PKD1L1: variants seen among roughly 807,000 people sequenced by gnomAD.
PKD1L1 encodes polycystin 1 like 1, transient receptor potential channel interacting, also known as polycystin-1-like protein 1.
Under a neutral mutation model 323.4 loss-of-function variants are expected in PKD1L1, and 236 were observed. The ratio of observed to expected loss-of-function variants is 0.73; its 90% confidence interval spans 0.66 to 0.81. PKD1L1 has a LOEUF of 0.81. Among genes scored for constraint, PKD1L1 ranks in the 40% least tolerant of loss-of-function variants. PKD1L1 has a pLI of 0.00. For synonymous variants in PKD1L1, 1,344 were observed against 1,335.0 expected (o/e 1.01, Z -0.15); for missense variants, 3,320 against 3,508.0 (o/e 0.95, Z 1.35).
At chr7:47,904,727 G>C in intron 11 of PKD1L1, 110 bp from the exon 12 acceptor site, 284 of 1,189,424 alleles carry the variant, frequency 2.4e-4, no homozygotes, top group Non-Finnish European at 2.9e-4. Context: ...GGAGGGGGAG[G>C]CAGCATTTAA....
At chr7:47,939,073 C>T (rs903587759) in intron 3 of PKD1L1, among the ~76,000 whole-genome samples, 1 of 152,150 alleles carries the variant, frequency 6.6e-6, no homozygotes. Context: ...GTAATATCAC[C>T]TCCCCTCTAA....
chr7:47,820,985 AT>A, intron 46 of PKD1L1, 90 bp downstream of exon 46: 1 of 724,772 alleles, frequency 1.4e-6, no homozygotes, highest in East Asian at 2.6e-5. Context: ...CCAGTATTTC[AT>A]ATGTGGGATG....
chr7:47,783,095 T>C (rs1038114161), intron 56 of PKD1L1, among the ~76,000 whole-genome samples: 1 of 152,216 alleles, frequency 6.6e-6, no homozygotes, highest in African/African-American at 2.4e-5. Flanking sequence ...CTGCGTTCTG[T>C]AACTTAGAAA....
At chr7:47,842,872 CA>C in intron 34 of PKD1L1, 89 bp downstream of exon 34, 1 of 1,245,568 alleles carries the variant, frequency 8.0e-7, no homozygotes, top group Non-Finnish European at 1.1e-6. Context: ...TGACAGGTGA[CA>C]GACGGGGCAG....
At chr7:47,816,215 T>C (rs893913932) in intron 46 of PKD1L1, among the ~76,000 whole-genome samples, 1 of 152,262 alleles carries the variant, frequency 6.6e-6, no homozygotes, top group African/African-American at 2.4e-5. Flanking sequence ...AAGACATAGA[T>C]GAAGTGCAGT....
intron 11 of PKD1L1, 84 bp downstream of exon 11, chr7:47,905,073 C>G: frequency 1.4e-6 from 2 of 1,468,016 alleles, no homozygotes; most frequent in Non-Finnish European, 1.8e-6. Flanking sequence ...CATAAAATGC[C>G]TTCGGTAGCA....
chr7:47,794,033 A>C (rs1238033881), intron 55 of PKD1L1, among the ~76,000 whole-genome samples: 1 of 152,222 alleles, frequency 6.6e-6, no homozygotes, highest in Admixed American at 6.5e-5. Flanking sequence ...TCAAAAGGTG[A>C]CTTGGGTGCT....
intron 46 of PKD1L1, chr7:47,818,022 G>A: frequency 7.3e-7 from 1 of 1,362,534 alleles, no homozygotes. Context: ...CTTAATCTTT[G>A]CAGGTCTTTT....
At chr7:47,958,327 C>T in the PKD1L1 span, among the ~76,000 whole-genome samples, 1 of 152,154 alleles carries the variant, frequency 6.6e-6, no homozygotes, top group Non-Finnish European at 1.5e-5. Flanking sequence ...CAAGAACACA[C>T]ATTTATTGAA....
rs189330794 is a variant in PKD1L1 at position 47,780,217 on chromosome 7, C to T, written c.8527-5051G>A. Among the ~76,000 whole-genome samples, 240 of 152,286 alleles carry T rather than the reference C, an allele frequency of 1.6e-3. 1 individual carries two copies. The highest frequency in any genetic ancestry group is 5.4e-3 in the African/African-American group (224 of 41,556). ...GTAAAGAACATTCCATCACCAAGAT[C>T]CCTTCTGCTGTCCTTTTATAGATGC... On this transcript the variant is annotated intron_variant, in intron 56 of 56. Coordinates refer to ENST00000289672, the MANE Select transcript of PKD1L1 (RefSeq NM_138295.5).
chr7:47,783,310 T>A (rs953481957), intron 56 of PKD1L1, among the ~76,000 whole-genome samples: 5 of 96,222 alleles, frequency 5.2e-5, no homozygotes, highest in African/African-American at 7.9e-5. Flanking sequence ...ATCATTCTTA[T>A]AAAAGCATTT....
intron 7 of PKD1L1, among the ~76,000 whole-genome samples, chr7:47,919,436 C>T (rs1176574280): frequency 6.6e-6 from 1 of 151,940 alleles, no homozygotes; most frequent in Admixed American, 6.6e-5. Context: ...AGGAAAATTC[C>T]ACCAGACATT....
intron 8 of PKD1L1, among the ~76,000 whole-genome samples, chr7:47,911,832 C>T (rs1439672610): frequency 1.3e-5 from 2 of 151,148 alleles, no homozygotes; most frequent in Non-Finnish European, 2.9e-5. Context: ...ATCATCAACA[C>T]GCATACATGT....
intron 56 of PKD1L1, among the ~76,000 whole-genome samples, chr7:47,781,135 G>C (rs116867617): frequency 2.6e-3 from 389 of 152,226 alleles, no homozygotes; most frequent in South Asian, 8.1e-3. Flanking sequence ...TTAATTTCCA[G>C]TTCCCTAACG....
intron 2 of PKD1L1, among the ~76,000 whole-genome samples, chr7:47,942,171 ACC>A (rs1296497531): frequency 6.6e-6 from 1 of 151,616 alleles, no homozygotes; most frequent in Non-Finnish European, 1.5e-5. Flanking sequence ...TGCTATATAA[ACC>A]CCCAAGTTTT....
At chr7:47,958,264 A>T in the PKD1L1 span, among the ~76,000 whole-genome samples, 1 of 152,220 alleles carries the variant, frequency 6.6e-6, no homozygotes, top group Non-Finnish European at 1.5e-5. Flanking sequence ...TGGAACAGAG[A>T]ACCCAGGAAT....
chr7:47,818,902 G>A (rs1406123523), intron 46 of PKD1L1, among the ~76,000 whole-genome samples: 2 of 151,968 alleles, frequency 1.3e-5, no homozygotes, highest in South Asian at 4.2e-4. Context: ...ATCCAAGAAC[G>A]CAATGACTAC....
At position 47,880,746 on chromosome 7, in the gene PKD1L1, C is replaced by G; in HGVS notation, c.3502G>C (p.Val1168Leu). The G allele has an allele frequency of 6.2e-7, 1 of 1,607,996 alleles. No individual in the cohort carries two copies. The highest frequency in any genetic ancestry group is 8.5e-7 in the Non-Finnish European group (1 of 1,176,262). Residue 1168 changes from valine (V) to leucine (L), a missense_variant, in exon 21 of 57, where the codon GTC (valine) becomes CTC (leucine). By Grantham distance (32) the Val-to-Leu change is conservative (BLOSUM62 1). Coordinates refer to ENST00000289672, the MANE Select transcript of PKD1L1 (RefSeq NM_138295.5). ...AACATACCCACAGACACTTGCAGGA[C>G]GTACGTCTCTCCACTGCTCAGAGAG... ...PYSLSSGETY[V>L]LQVSVASKHG...
At chr7:47,802,824 C>T (rs1222286070) in intron 53 of PKD1L1, among the ~76,000 whole-genome samples, 1 of 152,216 alleles carries the variant, frequency 6.6e-6, no homozygotes. Context: ...TCCTGAGAAT[C>T]TTCTAAGAAG....
Sources: gnomAD v4.1 joint callset for allele counts (sites outside exome capture counted in the v4.1 genomes callset) on GRCh38, gnomAD v4.1.1 for gene constraint, MANE v1.5 for transcripts, NCBI Gene and HGNC (gene_info 2026-07-23, HGNC 2026-07-21) for gene names.